The following TG variants were observed in gnomAD, a reference collection of about 807,000 sequenced individuals.
TG encodes thyroglobulin.
In TG, 270 loss-of-function variants were observed where a neutral mutation model predicts 324.7. The observed-to-expected ratio is 0.83, with a 90% CI of 0.75 to 0.92. The LOEUF (loss-of-function observed/expected upper bound fraction) is 0.92. Among genes scored for constraint, TG ranks in the 40% least tolerant of loss-of-function variants. TG has a pLI of 0.00. For missense variants in TG, 3,591 were observed against 3,456.4 expected, an observed-to-expected ratio of 1.04 and a Z score of -0.98; for synonymous variants, 1,401 against 1,327.0, an observed-to-expected ratio of 1.06 and a Z score of -1.21.
At chr8:132,968,412 A>G (rs1368431973) in intron 31 of TG, among the ~76,000 whole-genome samples, 1 of 152,238 alleles carries the variant, frequency 6.6e-6, no homozygotes, top group Non-Finnish European at 1.5e-5. Flanking sequence ...TTGGCTGTAT[A>G]TTACAAGGAA....
intron 41 of TG, among the ~76,000 whole-genome samples, chr8:133,033,960 G>T (rs1384845726): frequency 2.0e-5 from 3 of 152,216 alleles, no homozygotes; most frequent in Non-Finnish European, 4.4e-5. Context: ...CACAGCGCTT[G>T]GTTCAGAGAC....
chr8:133,069,924 C>T (rs1009379791), intron 41 of TG, among the ~76,000 whole-genome samples: 1 of 144,560 alleles, frequency 6.9e-6, no homozygotes, highest in African/African-American at 2.6e-5. Flanking sequence ...ATGCTTGAAC[C>T]CAGGAGATGG....
intron 16 of TG, 54 bp from the exon 17 acceptor site, chr8:132,906,634 A>C: frequency 6.2e-7 from 1 of 1,601,012 alleles, no homozygotes; most frequent in Non-Finnish European, 8.5e-7. Context: ...AGGCATGCTC[A>C]GTCGTCCCGA....
chr8:133,028,914 C>T (rs1041102154), intron 40 of TG, among the ~76,000 whole-genome samples: 5 of 152,062 alleles, frequency 3.3e-5, no homozygotes, highest in Non-Finnish European at 5.9e-5. Context: ...CATGGAGAAA[C>T]GTGAGGGGTC....
At chr8:132,916,940 G>T (rs1820370373) in intron 20 of TG, among the ~76,000 whole-genome samples, 1 of 151,516 alleles carries the variant, frequency 6.6e-6, no homozygotes, top group Non-Finnish European at 1.5e-5. Context: ...ATGCCTGCCT[G>T]CTTACCTACT....
intron 24 of TG, among the ~76,000 whole-genome samples, chr8:132,934,269 A>G (rs1246007944): frequency 6.6e-6 from 1 of 152,152 alleles, no homozygotes; most frequent in East Asian, 1.9e-4. Flanking sequence ...CGGGAGGTGG[A>G]GGTTGCAGTG....
At chr8:132,997,766 G>A (rs1238115680) in intron 35 of TG, among the ~76,000 whole-genome samples, 1 of 152,220 alleles carries the variant, frequency 6.6e-6, no homozygotes, top group African/African-American at 2.4e-5. Context: ...AAGAGAACAA[G>A]ATTGACAGCT....
Position 132,887,174 on chromosome 8 carries a change from C to T in TG, c.1802C>T (p.Thr601Met), listed in dbSNP as rs139516987. 1.7e-4 allele frequency: 274 copies of T among 1,613,996 alleles called. No individual in the cohort carries two copies. The highest frequency in any genetic ancestry group is 1.5e-3 in the African/African-American group (115 of 75,018). ...AGAGATTTAGGTGATGTGATGGAAA[C>T]GGTACTCAGCTCCCAGACCTGTGAG... ...VARDLGDVMETVLSSQTCEQT... is the reference protein window; with the variant it reads ...VARDLGDVMEMVLSSQTCEQT... The change falls in exon 9 of 48, where the codon ACG (threonine) becomes ATG (methionine). Residue 601 changes from threonine (T) to methionine (M), a missense_variant. Transcript: ENST00000220616.
chr8:133,014,167 C>A (rs562841872), intron 37 of TG, among the ~76,000 whole-genome samples: 1 of 152,324 alleles, frequency 6.6e-6, no homozygotes, highest in East Asian at 1.9e-4. Flanking sequence ...TAAGTTAATT[C>A]TGTGATTTCA....
intron 41 of TG, chr8:133,044,899 C>A (rs1345662879): frequency 5.0e-6 from 7 of 1,394,454 alleles, no homozygotes; most frequent in Non-Finnish European, 7.1e-6. Flanking sequence ...CAAGACCCCT[C>A]TGCATTCCAG....
intron 41 of TG, among the ~76,000 whole-genome samples, chr8:133,057,001 G>C (rs184146653): frequency 6.6e-6 from 1 of 152,206 alleles, no homozygotes; most frequent in African/African-American, 2.4e-5. Flanking sequence ...AGGGGATTCT[G>C]ATGCAGGTGG....
intron 45 of TG, among the ~76,000 whole-genome samples, chr8:133,124,669 T>G (rs1851387982): frequency 6.6e-6 from 1 of 152,238 alleles, no homozygotes; most frequent in African/African-American, 2.4e-5. Context: ...TAGCTAGGGT[T>G]ATTTTCCTTT....
intron 41 of TG, chr8:133,040,075 C>T (rs752465963): frequency 1.8e-5 from 28 of 1,558,916 alleles, no homozygotes; most frequent in African/African-American, 2.7e-5. Flanking sequence ...CTGGGGCAGC[C>T]GTGCTTTGTG....
At chr8:132,974,966 C>T (rs1036805284) in intron 34 of TG, among the ~76,000 whole-genome samples, 1 of 152,142 alleles carries the variant, frequency 6.6e-6, no homozygotes, top group Non-Finnish European at 1.5e-5. Flanking sequence ...TGAATTGACT[C>T]TATTGGCTTT....
intron 41 of TG, chr8:133,049,536 C>T (rs890869683): frequency 3.0e-5 from 9 of 295,908 alleles, no homozygotes; most frequent in Non-Finnish European, 6.0e-5. Context: ...TGTTCACTGG[C>T]ACACAGCCAG....
chr8:132,988,783 G>A, intron 35 of TG: 6 of 985,450 alleles, frequency 6.1e-6, no homozygotes, highest in Non-Finnish European at 7.2e-6. Context: ...GCCTGCCTGT[G>A]TGATCGTCGC....
rs1489890580 is a variant in TG at position 132,966,653 on chromosome 8, A to G, written c.5642A>G (p.Lys1881Arg). Residue 1881 changes from lysine to arginine, a missense_variant, in exon 30 of 48, where the codon AAG becomes AGG. Physicochemically the swap from Lys to Arg is conservative, Grantham distance 26. Transcript: ENST00000220616. ...SLSSQKHWLF[K>R]HLFSAQQANL... ...TCCAGCCAGAAGCACTGGCTTTTCA[A>G]GCACCTGTTTTCAGCCCAGCAGGCA... 12 of 1,613,966 alleles carry G rather than the reference A, an allele frequency of 7.4e-6. No homozygotes were observed. The highest frequency in any genetic ancestry group is 9.3e-6 in the Non-Finnish European group (11 of 1,180,004).
At chr8:133,108,000 T>G (rs1465791187) in intron 43 of TG, among the ~76,000 whole-genome samples, 1 of 148,750 alleles carries the variant, frequency 6.7e-6, no homozygotes, top group African/African-American at 2.5e-5. Flanking sequence ...TTTTTTTTTT[T>G]TGAGACAGAG....
At chr8:132,893,628 T>C (rs1563920234) in intron 10 of TG, 62 bp from the exon 11 acceptor site, 5 of 1,610,184 alleles carry the variant, frequency 3.1e-6, no homozygotes, top group East Asian at 2.2e-5. Context: ...ACATGCTTCA[T>C]GGGAGTCAGA....
Sources: gnomAD v4.1 joint callset for allele counts (sites outside exome capture counted in the v4.1 genomes callset) on GRCh38, gnomAD v4.1.1 for gene constraint, MANE v1.5 for transcripts, NCBI Gene and HGNC (gene_info 2026-07-23, HGNC 2026-07-21) for gene names.